Variants in STAB2 observed in about 807,000 individuals in gnomAD.
STAB2 encodes stabilin-2.
Under a neutral mutation model 338.1 loss-of-function variants are expected in STAB2, and 288 were observed. The observed-to-expected ratio is 0.85, with a 90% CI of 0.77 to 0.94. The LOEUF (loss-of-function observed/expected upper bound fraction) is 0.94, where lower values mean the gene tolerates loss of function less well. Ranked by LOEUF, STAB2 falls within the 40% of genes least tolerant of loss-of-function variation. STAB2 has a pLI of 0.00. For missense variants in STAB2, 3,141 were observed against 3,210.1 expected (o/e 0.98, Z 0.52); for synonymous variants, 1,202 against 1,193.3 (o/e 1.01, Z -0.15).
intron 3 of STAB2, among the ~76,000 whole-genome samples, chr12:103,619,019 T>C (rs1001442979): frequency 4.4e-4 from 67 of 152,306 alleles, no homozygotes; most frequent in Admixed American, 2.3e-3. Context: ...GTGTAAGACG[T>C]CACTTTGCTC....
intron 5 of STAB2, among the ~76,000 whole-genome samples, chr12:103,626,773 G>A (rs1048583042): frequency 5.3e-5 from 8 of 152,186 alleles, no homozygotes; most frequent in Non-Finnish European, 7.3e-5. Flanking sequence ...ATTAGGTGCA[G>A]TTTATTTTTA....
In STAB2 at chr12:103,735,540, G is replaced by T. The variant is rs748488623; in HGVS notation, c.5510G>T (p.Gly1837Val). Residue 1837 changes from glycine to valine, a missense_variant, in exon 52 of 69, where the codon GGT becomes GTT. Physicochemically the swap from Gly to Val is moderately radical, Grantham distance 109. Transcript: ENST00000388887. ...PTSTAWKTLQGSELSVKCGAG... is the reference protein window; with the variant it reads ...PTSTAWKTLQVSELSVKCGAG... ...TCCACTGCCTGGAAGACCCTGCAAG[G>T]TTCAGAGCTGAGTGTGAAATGTGGA... The T allele has an allele frequency of 4.3e-6, 6 of 1,394,736 alleles. No individual in the cohort carries two copies. In the South Asian group the frequency reaches 5.7e-5, roughly 13 times the overall value. The allele number at this position is 1,394,736 out of a possible 1,614,324, so 86.4% of individuals were successfully genotyped here.
chr12:103,666,144 T>G, intron 18 of STAB2, 147 bp from the exon 19 acceptor site: 1 of 691,564 alleles, frequency 1.4e-6, no homozygotes, highest in Non-Finnish European at 2.5e-6. Flanking sequence ...GTGGAGTCGG[T>G]GTGGGGAGGG....
chr12:103,728,276 G>A (rs578115554), intron 47 of STAB2, among the ~76,000 whole-genome samples: 9 of 152,052 alleles, frequency 5.9e-5, no homozygotes, highest in South Asian at 2.1e-4. Context: ...CTCAGCCTCC[G>A]GAGTAGTATT....
At chr12:103,625,627 G>C (rs1957369448) in intron 5 of STAB2, among the ~76,000 whole-genome samples, 1 of 152,084 alleles carries the variant, frequency 6.6e-6, no homozygotes, top group Non-Finnish European at 1.5e-5. Context: ...TTTTGTCCCT[G>C]CGATAGTTTG....
At chr12:103,619,093 A>G (rs1240093244) in intron 3 of STAB2, among the ~76,000 whole-genome samples, 2 of 152,134 alleles carry the variant, frequency 1.3e-5, no homozygotes, top group East Asian at 3.8e-4. Context: ...AGTCCATTAA[A>G]TCTCTTTCCT....
chr12:103,742,327 CCA>C, intron 55 of STAB2, 76 bp from the exon 56 acceptor site: 1 of 1,552,910 alleles, frequency 6.4e-7, no homozygotes, highest in Non-Finnish European at 8.7e-7. Context: ...AAGTCAGATG[CCA>C]CAGCACATTT....
chr12:103,690,165 C>G (rs1289396480), intron 29 of STAB2, among the ~76,000 whole-genome samples, 183 bp downstream of exon 29: 2 of 152,184 alleles, frequency 1.3e-5, no homozygotes, highest in African/African-American at 4.8e-5. Flanking sequence ...GCCAACTCTG[C>G]CAAGCACTCT....
At chr12:103,741,665 G>A (rs1011235312) in intron 55 of STAB2, among the ~76,000 whole-genome samples, 2 of 152,160 alleles carry the variant, frequency 1.3e-5, no homozygotes, top group African/African-American at 2.4e-5. Context: ...ATGTTGCCCA[G>A]GCTGGTCTCA....
Position 103,690,311 on chromosome 12 carries a change from A to C in STAB2, c.3183-113A>C, listed in dbSNP as rs532253656. On this transcript the variant is annotated intron_variant, in intron 29 of 68. Transcript: ENST00000388887. Reference sequence around the variant, plus strand: ...AGCCAAGGCTGGTAACTGCAGGGGGAACTTGAATTTTGACTATGGCAATCT... The same window carrying C: ...AGCCAAGGCTGGTAACTGCAGGGGGCACTTGAATTTTGACTATGGCAATCT... The C allele has an allele frequency of 2.6e-5, 25 of 948,770 alleles. No homozygotes were observed. The African/African-American group carries it at 3.9e-4, about 15-fold the overall frequency. The allele number at this position is 948,770 out of a possible 1,614,324, so 58.8% of individuals were successfully genotyped here. A position where few individuals can be genotyped will look rare whatever the true frequency, so the allele number is the denominator to read the frequency against.
At chr12:103,619,650 T>G (rs368368014) in intron 3 of STAB2, among the ~76,000 whole-genome samples, 1 of 152,118 alleles carries the variant, frequency 6.6e-6, no homozygotes, top group Admixed American at 6.6e-5. Context: ...TTTATGCACA[T>G]TAGGAATCAG....
intron 33 of STAB2, among the ~76,000 whole-genome samples, chr12:103,696,914 CTG>C (rs1306543566): frequency 6.6e-6 from 1 of 152,076 alleles, no homozygotes; most frequent in African/African-American, 2.4e-5. Context: ...GGGAGAGTCT[CTG>C]TGTGAGGCTG....
intron 5 of STAB2, among the ~76,000 whole-genome samples, chr12:103,630,926 G>C (rs576847790): frequency 5.9e-5 from 9 of 152,358 alleles, no homozygotes; most frequent in African/African-American, 2.2e-4. Flanking sequence ...TGTTATGACA[G>C]TGATAGAAAA....
intron 24 of STAB2, among the ~76,000 whole-genome samples, chr12:103,676,358 T>C (rs1419474864): frequency 1.3e-5 from 2 of 152,190 alleles, no homozygotes; most frequent in African/African-American, 4.8e-5. Context: ...CGCCCAGCCC[T>C]GCCTGGTTTC....
At chr12:103,693,293 A>C (rs1878115149) in intron 31 of STAB2, among the ~76,000 whole-genome samples, 1 of 149,824 alleles carries the variant, frequency 6.7e-6, no homozygotes, top group Admixed American at 6.7e-5. Flanking sequence ...CTCTCTACCA[A>C]AAAAAAAAGC....
Position 103,664,651 on chromosome 12 carries a change from T to G in STAB2, c.2023-1640T>G, listed in dbSNP as rs1186151179. 2.0e-5 allele frequency among the ~76,000 whole-genome samples: 3 copies of G among 152,192 alleles called. No homozygotes were observed. The East Asian group carries it at 5.8e-4, about 29-fold the overall frequency. On this transcript the variant is annotated intron_variant, in intron 18 of 68. Transcript: ENST00000388887. ...ACAAGGAAAAATGGTCTCATTTTAT[T>G]TATTGTTTTGTTTTACTGATTCCTC...
chr12:103,678,396 C>G (rs1371090545), intron 25 of STAB2, among the ~76,000 whole-genome samples: 2 of 152,208 alleles, frequency 1.3e-5, no homozygotes, highest in African/African-American at 2.4e-5. Flanking sequence ...GGTTCTCAGA[C>G]CTCTCATTTC....
chr12:103,710,748 T>C (rs75727642), intron 39 of STAB2, among the ~76,000 whole-genome samples: 1,905 of 152,332 alleles, frequency 0.013, 40 homozygotes, highest in African/African-American at 0.043. Context: ...CAGACCACTT[T>C]TGCAGGCCTC....
chr12:103,757,902 T>G, intron 63 of STAB2: 1 of 472,790 alleles, frequency 2.1e-6, no homozygotes, highest in Non-Finnish European at 3.9e-6. Flanking sequence ...ACTCGAGATT[T>G]GATGCACCTT....
Sources: gnomAD v4.1 joint callset for allele counts (sites outside exome capture counted in the v4.1 genomes callset) on GRCh38, gnomAD v4.1.1 for gene constraint, MANE v1.5 for transcripts, NCBI Gene and HGNC (gene_info 2026-07-23, HGNC 2026-07-21) for gene names.